STAM: variants seen among roughly 807,000 people sequenced by gnomAD.
STAM encodes signal transducing adapter molecule 1.
Under a neutral mutation model 63.4 loss-of-function variants are expected in STAM, and 16 were observed. The ratio of observed to expected loss-of-function variants is 0.25; its 90% confidence interval spans 0.17 to 0.38. The LOEUF (loss-of-function observed/expected upper bound fraction) is 0.38. Ranked by LOEUF, STAM falls within the 10% of genes least tolerant of loss-of-function variation. The pLI is 1.00. For synonymous variants in STAM, 238 were observed against 223.9 expected, an observed-to-expected ratio of 1.06 and a Z score of -0.56; for missense variants, 636 against 657.1, an observed-to-expected ratio of 0.97 and a Z score of 0.35.
chr10:17,652,467 C>A (rs1175447405), intron 1 of STAM, among the ~76,000 whole-genome samples: 1 of 152,146 alleles, frequency 6.6e-6, no homozygotes, highest in Non-Finnish European at 1.5e-5. Flanking sequence ...CTGCTGATAA[C>A]TGTATCATAT....
chr10:17,648,564 C>T (rs1013711860), intron 1 of STAM, among the ~76,000 whole-genome samples: 1 of 152,124 alleles, frequency 6.6e-6, no homozygotes, highest in Non-Finnish European at 1.5e-5. Flanking sequence ...CACAAAGGTC[C>T]GTGGCTTCAT....
At chr10:17,659,437 G>T (rs1333922134) in intron 1 of STAM, among the ~76,000 whole-genome samples, 10 of 147,956 alleles carry the variant, frequency 6.8e-5, no homozygotes, top group East Asian at 2.0e-4. Flanking sequence ...TTTTATCTTC[G>T]GGTATTCCAT....
intron 8 of STAM, among the ~76,000 whole-genome samples, chr10:17,697,453 G>A (rs1390918234): frequency 6.6e-6 from 1 of 152,190 alleles, no homozygotes; most frequent in African/African-American, 2.4e-5. Context: ...CAACATGTCA[G>A]ATATTCAGAA....
In STAM at chr10:17,709,470, A is replaced by G. The variant is rs868993152; in HGVS notation, c.1385+519A>G. On this transcript the variant is annotated intron_variant, in intron 13 of 13. Coordinates refer to ENST00000377524, the MANE Select transcript of STAM (RefSeq NM_003473.4). ...AAGAAGGTAAGCACCCTTGTTTCTC[A>G]GGAGGCAGATGGCTGAATATGTGAT... Among the ~76,000 whole-genome samples, 4 of 152,210 alleles carry G rather than the reference A, an allele frequency of 2.6e-5. No individual in the cohort carries two copies. In the South Asian group the frequency reaches 6.2e-4, roughly 24 times the overall value.
chr10:17,653,839 A>T (rs191655889), intron 1 of STAM, among the ~76,000 whole-genome samples: 2 of 152,276 alleles, frequency 1.3e-5, no homozygotes, highest in African/African-American at 4.8e-5. Flanking sequence ...CCTGGAACCA[A>T]TCTCCCATGT....
chr10:17,681,169 G>C (rs149857901), intron 2 of STAM, among the ~76,000 whole-genome samples: 1 of 145,456 alleles, frequency 6.9e-6, no homozygotes, highest in Non-Finnish European at 1.5e-5. Context: ...TAGCCATCCT[G>C]ATGGGTGTGA....
At chr10:17,671,230 G>A (rs1352864257) in intron 2 of STAM, among the ~76,000 whole-genome samples, 1 of 152,150 alleles carries the variant, frequency 6.6e-6, no homozygotes, top group South Asian at 2.1e-4. Context: ...TCCTTGAATG[G>A]TAAACCACAG....
At chr10:17,684,598 T>A in intron 2 of STAM, 77 bp from the exon 3 acceptor site, 1 of 1,138,974 alleles carries the variant, frequency 8.8e-7, no homozygotes, top group East Asian at 2.5e-5. Flanking sequence ...TATCGTAGTC[T>A]TTTGTCTATA....
chr10:17,705,857 C>T (rs1041158613), intron 12 of STAM, 116 bp downstream of exon 12: 3 of 949,424 alleles, frequency 3.2e-6, no homozygotes, highest in Admixed American at 2.6e-5. Context: ...TGCTTGAGAC[C>T]AGGAGTTTAA....
At chr10:17,664,095 G>A (rs1277167699) in intron 2 of STAM, among the ~76,000 whole-genome samples, 9 of 151,788 alleles carry the variant, frequency 5.9e-5, no homozygotes, top group South Asian at 2.1e-4. Context: ...AAACATTTAC[G>A]TGTACTTCCA....
At chr10:17,678,091 A>T (rs943334816) in intron 2 of STAM, among the ~76,000 whole-genome samples, 1 of 152,208 alleles carries the variant, frequency 6.6e-6, no homozygotes, top group African/African-American at 2.4e-5. Flanking sequence ...TCATCATCCC[A>T]AAAAGAAAGC....
intron 2 of STAM, among the ~76,000 whole-genome samples, chr10:17,667,448 T>A (rs1264595133): frequency 6.6e-6 from 1 of 152,128 alleles, no homozygotes; most frequent in African/African-American, 2.4e-5. Flanking sequence ...TAAAACGTGA[T>A]CTTGATTTCC....
chr10:17,699,471 C>T (rs2131669276), intron 8 of STAM, among the ~76,000 whole-genome samples: 1 of 152,250 alleles, frequency 6.6e-6, no homozygotes, highest in South Asian at 2.1e-4. Context: ...TGTTATATAG[C>T]TACTGTTATG....
chr10:17,660,431 T>A (rs782294501), intron 1 of STAM, 33 bp from the exon 2 acceptor site: 2 of 1,426,306 alleles, frequency 1.4e-6, no homozygotes, highest in South Asian at 2.5e-5. Flanking sequence ...ATTTGAAAAA[T>A]AATGTTTCTG....
In STAM at chr10:17,644,246, T is replaced by G. The variant is rs1209368636; in HGVS notation, c.-94T>G. ...ACCCTGTAGAGTCGGTCTCTGTTGC[T>G]CTTTTTGCCTGAGGAGTCTTCCATC... On this transcript the variant is annotated 5_prime_UTR_variant, in exon 1 of 14. Coordinates refer to ENST00000377524, the MANE Select transcript of STAM (RefSeq NM_003473.4). The G allele has an allele frequency of 2.2e-6, 3 of 1,390,012 alleles. No individual in the cohort carries two copies. Among genetic ancestry groups the G allele is most frequent in the Non-Finnish European group, 3.1e-6 (3 of 982,150 alleles). The allele number at this position is 1,390,012 out of a possible 1,614,324, so 86.1% of individuals were successfully genotyped here.
At chr10:17,659,154 A>T (rs1834061505) in intron 1 of STAM, among the ~76,000 whole-genome samples, 1 of 151,940 alleles carries the variant, frequency 6.6e-6, no homozygotes, top group South Asian at 2.1e-4. Flanking sequence ...TTCAAGATAC[A>T]TTCACAACTA....
At chr10:17,678,260 ATT>A (rs34286916) in intron 2 of STAM, among the ~76,000 whole-genome samples, 1 of 150,104 alleles carries the variant, frequency 6.7e-6, no homozygotes, top group Admixed American at 6.7e-5. Context: ...ATGTGGTGTA[ATT>A]TTTTTTTTGG....
intron 5 of STAM, among the ~76,000 whole-genome samples, chr10:17,692,138 G>GCAC (rs1173359577): frequency 2.6e-5 from 4 of 152,118 alleles, no homozygotes; most frequent in Admixed American, 6.5e-5. Context: ...GGAATTTGAG[G>GCAC]CACCAAGAGG....
At chr10:17,670,186 C>A (rs1246793518) in intron 2 of STAM, among the ~76,000 whole-genome samples, 3 of 152,046 alleles carry the variant, frequency 2.0e-5, no homozygotes, top group African/African-American at 7.2e-5. Flanking sequence ...GAATGGGATC[C>A]GATGCGAGCT....
Sources: gnomAD v4.1 joint callset for allele counts (sites outside exome capture counted in the v4.1 genomes callset) on GRCh38, gnomAD v4.1.1 for gene constraint, MANE v1.5 for transcripts, NCBI Gene and HGNC (gene_info 2026-07-23, HGNC 2026-07-21) for gene names.